The following NUMA1 variants were observed in gnomAD, a reference collection of about 807,000 sequenced individuals.
NUMA1 encodes nuclear mitotic apparatus protein 1.
NUMA1 carries 62 observed loss-of-function variants against 237.1 expected under a neutral mutation model. That is an observed-to-expected ratio of 0.26 (90% CI 0.21 to 0.32). The LOEUF (loss-of-function observed/expected upper bound fraction) is 0.32. Among genes scored for constraint, NUMA1 ranks in the 10% least tolerant of loss-of-function variants. The pLI is 1.00. For missense variants in NUMA1, 2,533 were observed against 2,666.5 expected, an observed-to-expected ratio of 0.95 and a Z score of 1.10; for synonymous variants, 1,028 against 1,066.1, an observed-to-expected ratio of 0.96 and a Z score of 0.70.
chr11:72,029,858 T>C (rs776951291), intron 3 of NUMA1, among the ~76,000 whole-genome samples: 5 of 152,180 alleles, frequency 3.3e-5, no homozygotes, highest in Non-Finnish European at 7.3e-5. Flanking sequence ...ACATTTTATA[T>C]TATAGCCCTT....
chr11:72,019,343 G>A (rs917662642), intron 9 of NUMA1, 151 bp downstream of exon 9: 34 of 1,071,428 alleles, frequency 3.2e-5, no homozygotes, highest in Non-Finnish European at 4.0e-5. Context: ...ACTTCCCCCA[G>A]TTAATACTGG....
rs768891279 is a variant in NUMA1 at position 72,014,436 on chromosome 11, C to G, written c.3067G>C (p.Glu1023Gln). The G allele has an allele frequency of 6.8e-6, 11 of 1,606,936 alleles. No individual in the cohort carries two copies. In the Admixed American group the frequency reaches 1.7e-4, roughly 24 times the overall value. The change falls in exon 15 of 27, where the codon GAG becomes CAG. Residue 1023 changes from glutamate to glutamine, a missense_variant. Physicochemically the swap from Glu to Gln is conservative, Grantham distance 29 (BLOSUM62 2). This residue lies in a region of NUMA1 where 1,414 missense variants were observed against 1,508.1 expected (regional missense o/e 0.94). Transcript: ENST00000393695. The surrounding 1 kb of genome is among the most constrained non-coding windows in gnomAD (Gnocchi z 4.6). Reference protein sequence around the residue: ...RGRAQADLALEKAARAELEMR... With the variant: ...RGRAQADLALQKAARAELEMR... Reference sequence around the variant, plus strand: ...TCAAGCTCTGCTCTGGCCGCCTTCTCCAGGGCAAGGTCAGCCTGGGCACGG... The same window carrying G: ...TCAAGCTCTGCTCTGGCCGCCTTCTGCAGGGCAAGGTCAGCCTGGGCACGG...
rs1943668149 is a variant in NUMA1 at position 72,075,568 on chromosome 11, C to T, written c.-103+4890G>A. On this transcript the variant is annotated intron_variant, in intron 1 of 26. Transcript: ENST00000393695. ...ATCTGGGTACAGCTATTCCAGATCCCTCTAGACTTCTAGGTTCTGGTAGCC... is the reference window on the plus strand; with the variant it reads ...ATCTGGGTACAGCTATTCCAGATCCTTCTAGACTTCTAGGTTCTGGTAGCC... Among the ~76,000 whole-genome samples, 3 of 152,348 alleles carry T rather than the reference C, an allele frequency of 2.0e-5. No individual in the cohort carries two copies. The South Asian group carries it at 6.2e-4, about 32-fold the overall frequency.
intron 20 of NUMA1, 52 bp downstream of exon 20, chr11:72,008,636 T>TA: frequency 6.3e-7 from 1 of 1,586,960 alleles, no homozygotes; most frequent in South Asian, 1.1e-5. Flanking sequence ...TACAGCCTGA[T>TA]AAACAGCAGG....
At chr11:72,039,516 C>T (rs1203004128) in intron 2 of NUMA1, among the ~76,000 whole-genome samples, 1 of 152,202 alleles carries the variant, frequency 6.6e-6, no homozygotes, top group East Asian at 1.9e-4. Context: ...CTCATGGGCC[C>T]TTGCTTCTGC....
intron 2 of NUMA1, among the ~76,000 whole-genome samples, chr11:72,053,948 C>T (rs1168902886): frequency 1.3e-5 from 2 of 152,012 alleles, no homozygotes; most frequent in African/African-American, 2.4e-5. Context: ...TTAAACTATA[C>T]GAAGGACGTG....
At chr11:72,065,282 C>T (rs931235713) in intron 2 of NUMA1, 1 of 151,890 alleles carries the variant, frequency 6.6e-6, no homozygotes, top group Non-Finnish European at 1.5e-5. Flanking sequence ...AGGGTAAAGA[C>T]TTATTTGGGG....
intron 1 of NUMA1, among the ~76,000 whole-genome samples, chr11:72,074,965 C>T (rs762012408): frequency 1.3e-5 from 2 of 152,022 alleles, no homozygotes; most frequent in South Asian, 4.2e-4. Flanking sequence ...GCCCGAGAGG[C>T]GGAGGTTGCA....
chr11:72,011,533 A>T (rs759776672), intron 16 of NUMA1, among the ~76,000 whole-genome samples: 6 of 152,202 alleles, frequency 3.9e-5, no homozygotes, highest in Non-Finnish European at 8.8e-5. Context: ...GAGTTCAAGC[A>T]TGACCAGGCA....
Position 72,008,830 on chromosome 11 carries a change from G to A in NUMA1, c.5074C>T (p.Gln1692Ter). Reference protein sequence around the residue: ...SLEAQVAHADQQLRDLGKFQV... With the variant: ...SLEAQVAHAD ...AATTTGCCCAGGTCTCGAAGCTGCT[G>A]GTCTGCATGGGCAACCTGAGAAGGA... The change falls in exon 20 of 27, where the codon CAG (glutamine) becomes TAG (stop). Residue 1692 changes from glutamine to a stop codon, truncating the protein, a stop_gained. Coordinates refer to ENST00000393695, the MANE Select transcript of NUMA1 (RefSeq NM_006185.4). LOFTEE classifies it high-confidence loss of function. 1 of 1,614,116 alleles carries A rather than the reference G, an allele frequency of 6.2e-7. No individual in the cohort carries two copies. The highest frequency in any genetic ancestry group is 8.5e-7 in the Non-Finnish European group (1 of 1,180,024).
chr11:72,017,968 C>G (rs752906107), intron 12 of NUMA1, 141 bp from the exon 13 acceptor site: 1 of 1,082,536 alleles, frequency 9.2e-7, no homozygotes, highest in Non-Finnish European at 1.3e-6. Context: ...CATCACACCT[C>G]TAATTCAGAA....
At chr11:72,043,491 C>G (rs1232340712) in intron 2 of NUMA1, among the ~76,000 whole-genome samples, 4 of 148,620 alleles carry the variant, frequency 2.7e-5, no homozygotes, top group Non-Finnish European at 5.9e-5. Flanking sequence ...GCCTCCCAAG[C>G]AGTGGGAGTA....
At chr11:72,028,226 G>T (rs1939825039) in intron 4 of NUMA1, among the ~76,000 whole-genome samples, 1 of 152,062 alleles carries the variant, frequency 6.6e-6, no homozygotes, top group African/African-American at 2.4e-5. Flanking sequence ...AGCTAGGTAG[G>T]GAGGACCCCA....
chr11:72,012,589 A>C (rs2134874798), intron 15 of NUMA1, 147 bp from the exon 16 acceptor site: 2 of 817,382 alleles, frequency 2.4e-6, no homozygotes, highest in East Asian at 2.5e-5. Flanking sequence ...AGTTAGGCTG[A>C]TTCTAATCCC....
intron 10 of NUMA1, 61 bp downstream of exon 10, chr11:72,018,762 G>A: frequency 6.4e-7 from 1 of 1,562,294 alleles, no homozygotes; most frequent in Non-Finnish European, 8.7e-7. Flanking sequence ...CAACATGGGA[G>A]GCCAGGGGAC....
intron 2 of NUMA1, among the ~76,000 whole-genome samples, chr11:72,048,503 C>A (rs1942132699): frequency 6.6e-6 from 1 of 152,128 alleles, no homozygotes; most frequent in South Asian, 2.1e-4. Flanking sequence ...TCCCGAGTAG[C>A]TGGGATTACA....
In NUMA1 at chr11:72,005,360, C is replaced by T; in HGVS notation, c.5702G>A (p.Ser1901Asn). 4 of 1,605,422 alleles carry T rather than the reference C, an allele frequency of 2.5e-6. No homozygotes were observed. The highest frequency in any genetic ancestry group is 3.4e-6 in the Non-Finnish European group (4 of 1,176,322). Reference protein sequence around the residue: ...VSSGAPPGRNSFYMGTCQDEP... With the variant: ...VSSGAPPGRNNFYMGTCQDEP... ...ATCCTGGCAAGTGCCCATGTAGAAG[C>T]TGTTCCTTCCTGTGGAAGGCAGGGA... The change falls in exon 23 of 27, where the codon AGC becomes AAC. Residue 1901 changes from serine (S) to asparagine (N), a missense_variant. By Grantham distance (46) the Ser-to-Asn change is conservative. Coordinates refer to ENST00000393695, the MANE Select transcript of NUMA1 (RefSeq NM_006185.4).
intron 8 of NUMA1, 104 bp from the exon 9 acceptor site, chr11:72,019,721 C>A: frequency 8.0e-7 from 1 of 1,242,860 alleles, no homozygotes; most frequent in Non-Finnish European, 1.1e-6. Flanking sequence ...GGGAGTATAT[C>A]CATGGATACT....
intron 1 of NUMA1, among the ~76,000 whole-genome samples, chr11:72,078,911 T>C (rs1943849589): frequency 6.6e-6 from 1 of 152,158 alleles, no homozygotes; most frequent in Middle Eastern, 3.2e-3. Flanking sequence ...TCCCTTACCA[T>C]TAAAGCTTTA....
Sources: allele counts gnomAD v4.1 joint callset (sites outside exome capture counted in the v4.1 genomes callset), GRCh38; gene constraint gnomAD v4.1.1; regional missense constraint gnomAD v4.1.1; non-coding constraint Gnocchi (gnomAD v3.1); transcripts MANE v1.5; gene names NCBI Gene and HGNC (gene_info 2026-07-23, HGNC 2026-07-21).